Variants in TXLNB observed in about 807,000 individuals in gnomAD.
The protein encoded by TXLNB is taxilin beta.
In TXLNB, 37 loss-of-function variants were observed where a neutral mutation model predicts 57.4. That is an observed-to-expected ratio of 0.64 (90% CI 0.50 to 0.85). The LOEUF (loss-of-function observed/expected upper bound fraction) is 0.85, where lower values mean the gene tolerates loss of function less well. TXLNB is among the 40% of genes least tolerant of loss of function. TXLNB has a pLI of 0.00. For missense variants in TXLNB, 848 were observed against 825.6 expected, an observed-to-expected ratio of 1.03 and a Z score of -0.33; for synonymous variants, 302 against 309.6, an observed-to-expected ratio of 0.98 and a Z score of 0.26.
intron 3 of TXLNB, 105 bp downstream of exon 3, chr6:139,276,725 T>C (rs908275224): frequency 2.5e-6 from 2 of 811,586 alleles, no homozygotes; most frequent in African/African-American, 1.7e-5. Context: ...CAGATGTTGC[T>C]GTTTACAATT....
At chr6:139,171,836 GTTT>G in the TXLNB span, among the ~76,000 whole-genome samples, 3 of 141,608 alleles carry the variant, frequency 2.1e-5, no homozygotes, top group African/African-American at 7.7e-5. Context: ...TTGTTGTTGT[GTTT>G]TTTTTTTTTG....
intron 7 of TXLNB, chr6:139,251,499 G>T (rs1388654868): frequency 6.6e-6 from 1 of 152,150 alleles, no homozygotes; most frequent in African/African-American, 2.4e-5. Context: ...GTTTGGTAGC[G>T]TCTTCCCTCT....
chr6:139,194,773 A>C, the TXLNB span, among the ~76,000 whole-genome samples: 1 of 152,196 alleles, frequency 6.6e-6, no homozygotes, highest in Admixed American at 6.5e-5. Flanking sequence ...AATCCTTGAA[A>C]TGGCCAACAA....
At chr6:139,166,172 C>T in the TXLNB span, 19 of 851,720 alleles carry the variant, frequency 2.2e-5, no homozygotes, top group Non-Finnish European at 3.2e-5. Context: ...CTGGAACTGC[C>T]TTTCATTATA....
the TXLNB span, among the ~76,000 whole-genome samples, chr6:139,311,292 A>G: frequency 6.6e-6 from 1 of 151,990 alleles, no homozygotes. Context: ...GCTTGCTAAA[A>G]GAGATTTCAG....
chr6:139,288,395 C>G (rs1158383478), intron 2 of TXLNB, 81 bp downstream of exon 2: 30 of 1,339,840 alleles, frequency 2.2e-5, no homozygotes, highest in Non-Finnish European at 3.1e-5. Context: ...TTGGATGTGG[C>G]TTTTAGTGAA....
chr6:139,175,872 A>T, the TXLNB span, among the ~76,000 whole-genome samples: 1 of 152,226 alleles, frequency 6.6e-6, no homozygotes, highest in South Asian at 2.1e-4. Context: ...CCTTAAAACA[A>T]TTGAAGCCCA....
At chr6:139,219,873 C>T in the TXLNB span, among the ~76,000 whole-genome samples, 14 of 152,150 alleles carry the variant, frequency 9.2e-5, no homozygotes, top group Admixed American at 7.9e-4. Context: ...TTCTAATGTT[C>T]TGTTTTCTTG....
At chr6:139,200,714 C>T in the TXLNB span, among the ~76,000 whole-genome samples, 2 of 152,140 alleles carry the variant, frequency 1.3e-5, no homozygotes, top group South Asian at 2.1e-4. Context: ...TTTTCTTTCA[C>T]TTCCCTGTTA....
At chr6:139,168,508 C>G in the TXLNB span, among the ~76,000 whole-genome samples, 1 of 150,946 alleles carries the variant, frequency 6.6e-6, no homozygotes, top group Non-Finnish European at 1.5e-5. Flanking sequence ...TTCCACATAC[C>G]TGTCAGATTT....
chr6:139,259,674 T>C (rs775199552), intron 6 of TXLNB, among the ~76,000 whole-genome samples: 1 of 152,188 alleles, frequency 6.6e-6, no homozygotes, highest in Non-Finnish European at 1.5e-5. Context: ...TGTCTATTGC[T>C]TGTCTCTTTC....
chr6:139,253,825 G>A (rs1396462130), intron 7 of TXLNB, among the ~76,000 whole-genome samples: 2 of 152,200 alleles, frequency 1.3e-5, no homozygotes, highest in African/African-American at 4.8e-5. Flanking sequence ...GCATGGAGGA[G>A]TAGAGATTGC....
intron 5 of TXLNB, 67 bp from the exon 6 acceptor site, chr6:139,260,504 T>A: frequency 2.0e-6 from 3 of 1,506,542 alleles, no homozygotes; most frequent in Non-Finnish European, 2.7e-6. Context: ...CAAAGTAAAA[T>A]AATTCACATT....
chr6:139,238,151 T>C (rs1298909881), downstream of TXLNB, among the ~76,000 whole-genome samples: 2 of 152,112 alleles, frequency 1.3e-5, no homozygotes, highest in Non-Finnish European at 2.9e-5. Context: ...CCCAGCACTT[T>C]GGGAGGCCAA....
the TXLNB span, among the ~76,000 whole-genome samples, chr6:139,301,290 G>C: frequency 6.6e-6 from 1 of 152,104 alleles, no homozygotes; most frequent in Non-Finnish European, 1.5e-5. Flanking sequence ...AGGAAAAATT[G>C]CAGGGAAATT....
chr6:139,289,514 C>T (rs1477069921), intron 1 of TXLNB, among the ~76,000 whole-genome samples: 1 of 152,192 alleles, frequency 6.6e-6, no homozygotes, highest in Non-Finnish European at 1.5e-5. Flanking sequence ...TTGTCTGCGG[C>T]TTGTCCTGCT....
chr6:139,275,072 A>G (rs1316393912), intron 3 of TXLNB, among the ~76,000 whole-genome samples: 1 of 152,200 alleles, frequency 6.6e-6, no homozygotes, highest in Non-Finnish European at 1.5e-5. Flanking sequence ...TTGGAAAGCA[A>G]TATGGCCATA....
chr6:139,285,416 C>G (rs56750929), intron 2 of TXLNB, among the ~76,000 whole-genome samples: 1 of 143,196 alleles, frequency 7.0e-6, no homozygotes, highest in Admixed American at 6.8e-5. Flanking sequence ...CTTACGGAAA[C>G]TTGAATAATG....
At chr6:139,317,224 GA>G in the TXLNB span, among the ~76,000 whole-genome samples, 36 of 149,906 alleles carry the variant, frequency 2.4e-4, no homozygotes, top group East Asian at 4.5e-3. Flanking sequence ...CTGTCTTTTA[GA>G]AAAAAAAAGT....
Sources: gnomAD v4.1 joint callset for allele counts (sites outside exome capture counted in the v4.1 genomes callset) on GRCh38, gnomAD v4.1.1 for gene constraint, MANE v1.5 for transcripts, NCBI Gene and HGNC (gene_info 2026-07-23, HGNC 2026-07-21) for gene names.